KIF19: variants seen among roughly 807,000 people sequenced by gnomAD.
KIF19 encodes the protein kinesin family member 19, also known as kinesin-like protein KIF19.
In KIF19, 98 loss-of-function variants were observed where a neutral mutation model predicts 106.6. The observed-to-expected ratio is 0.92, with a 90% CI of 0.78 to 1.09. The LOEUF is 1.09. Ranked by LOEUF, KIF19 falls within the 50% of genes least tolerant of loss-of-function variation. KIF19 has a pLI of 0.00. For missense variants in KIF19, 1,373 were observed against 1,414.3 expected, an observed-to-expected ratio of 0.97 and a Z score of 0.47; for synonymous variants, 516 against 584.2, an observed-to-expected ratio of 0.88 and a Z score of 1.68.
chr17:74,342,973 G>A, intron 4 of KIF19, 51 bp from the exon 5 acceptor site: 2 of 1,536,482 alleles, frequency 1.3e-6, no homozygotes, highest in Admixed American at 2.0e-5. Context: ...TGCCCAGCAA[G>A]GCCTCCCTCC....
intron 2 of KIF19, among the ~76,000 whole-genome samples, chr17:74,340,267 TTGAA>T (rs1210779069): frequency 6.6e-6 from 1 of 152,164 alleles, no homozygotes; most frequent in Non-Finnish European, 1.5e-5. Flanking sequence ...CCACGCATCT[TTGAA>T]TGTCTCCCGT....
At chr17:74,334,833 T>G (rs72848299) in intron 2 of KIF19, among the ~76,000 whole-genome samples, 3,726 of 152,302 alleles carry the variant, frequency 0.024, 69 homozygotes, top group Middle Eastern at 0.044. Flanking sequence ...CCTGTAAGAA[T>G]GAAGGGGCTG....
intron 2 of KIF19, among the ~76,000 whole-genome samples, chr17:74,334,108 A>G (rs1447886440): frequency 1.3e-5 from 2 of 151,854 alleles, no homozygotes; most frequent in African/African-American, 4.8e-5. Context: ...TGCAGGTGTG[A>G]GCCACTGTAT....
chr17:74,328,159 C>T (rs1169000900), intron 1 of KIF19, among the ~76,000 whole-genome samples: 1 of 152,160 alleles, frequency 6.6e-6, no homozygotes, highest in African/African-American at 2.4e-5. Flanking sequence ...TTTATTTGGG[C>T]GTGAGGCTGA....
At chr17:74,332,216 G>T (rs866274652) in intron 2 of KIF19, among the ~76,000 whole-genome samples, 616 of 54,346 alleles carry the variant, frequency 0.011, 3 homozygotes, top group African/African-American at 0.024. Flanking sequence ...GTGTTTGTGT[G>T]TGTGTGTGTG....
intron 4 of KIF19, 117 bp from the exon 5 acceptor site, chr17:74,342,907 C>T (rs568051542): frequency 3.5e-4 from 459 of 1,327,546 alleles, no homozygotes; most frequent in Non-Finnish European, 4.2e-4. Flanking sequence ...CCACCACCTC[C>T]CTGGCCCTCT....
chr17:74,335,822 C>T (rs1207097838), intron 2 of KIF19, among the ~76,000 whole-genome samples: 1 of 152,270 alleles, frequency 6.6e-6, no homozygotes, highest in Non-Finnish European at 1.5e-5. Context: ...AATGCCCATG[C>T]TGAGCCCACC....
chr17:74,348,941 G>T, intron 9 of KIF19: 1 of 547,800 alleles, frequency 1.8e-6, no homozygotes, highest in Non-Finnish European at 3.2e-6. Context: ...AGAGAGATGG[G>T]GGTGGCCCTT....
chr17:74,337,267 AGG>A, intron 2 of KIF19, among the ~76,000 whole-genome samples: 1 of 129,314 alleles, frequency 7.7e-6, no homozygotes, highest in South Asian at 2.7e-4. Context: ...TGTGCCAACC[AGG>A]GGGGCCTTTA....
intron 3 of KIF19, among the ~76,000 whole-genome samples, chr17:74,342,394 C>G (rs1485137178): frequency 6.6e-6 from 1 of 152,126 alleles, no homozygotes; most frequent in Non-Finnish European, 1.5e-5. Context: ...GGGCGGGGGG[C>G]CAGGAGCCAG....
intron 12 of KIF19, 74 bp from the exon 13 acceptor site, chr17:74,351,793 G>T (rs3889370): frequency 0.26 from 352,110 of 1,348,416 alleles, 48,105 homozygotes; most frequent in Middle Eastern, 0.36. Context: ...AGGCGCTGGA[G>T]GGTCGAGGAC....
chr17:74,350,999 C>T (rs745532991), intron 12 of KIF19, 94 bp downstream of exon 12: 15 of 1,321,750 alleles, frequency 1.1e-5, no homozygotes, highest in South Asian at 2.4e-5. Context: ...TGGGGGTAGC[C>T]GTGAGACTTG....
intron 10 of KIF19, among the ~76,000 whole-genome samples, chr17:74,350,054 C>T (rs753077511): frequency 2.6e-5 from 4 of 152,202 alleles, no homozygotes; most frequent in Non-Finnish European, 5.9e-5. Context: ...CTGCCTAGGC[C>T]TCCCAAAGTG....
At position 74,352,364 on chromosome 17, in the gene KIF19, G is replaced by GC. The variant is rs762777384; in HGVS notation, c.1980+24_1980+25insC. On this transcript the variant is annotated intron_variant, in intron 14 of 19. Transcript: ENST00000389916. ...AGGTGGGTGGGCGCCTGGGCGGCCT[G>GC]AACATGGGCACATGTGCCCAGGGAG... 2.9e-5 allele frequency: 46 copies of GC among 1,593,358 alleles called. No individual in the cohort carries two copies. The African/African-American group carries it at 5.4e-4, about 19-fold the overall frequency.
At chr17:74,345,033 A>C in intron 7 of KIF19, 78 bp downstream of exon 7, 1 of 1,339,736 alleles carries the variant, frequency 7.5e-7, no homozygotes, top group Non-Finnish European at 1.0e-6. Context: ...GGTGACTCCC[A>C]TGCAAGGCCA....
chr17:74,355,447 A>AC lies in KIF19; in HGVS notation c.*138dup. On this transcript the variant is annotated 3_prime_UTR_variant, in exon 20 of 20. Transcript: ENST00000389916. ...ATCTCAGCAGGCCAGGGCTCCTGAG[A>AC]CCCAGGAACTGGGGTCTCTGCCCAA... is the stretch of plus-strand genomic sequence containing the variant. 1.7e-6 allele frequency: 2 copies of AC among 1,173,624 alleles called. No individual in the cohort carries two copies. Among genetic ancestry groups the AC allele is most frequent in the Non-Finnish European group, 2.3e-6 (2 of 868,154 alleles). 72.7% of individuals were successfully genotyped at this position (1,173,624 alleles called of 1,614,324 possible). A position where few individuals can be genotyped will look rare whatever the true frequency, so the allele number is the denominator to read the frequency against.
chr17:74,339,804 C>A (rs149367926), intron 2 of KIF19, among the ~76,000 whole-genome samples: 2 of 152,194 alleles, frequency 1.3e-5, no homozygotes, highest in African/African-American at 2.4e-5. Context: ...GGCACCTCCG[C>A]GGTGCAGTGG....
Position 74,342,904 on chromosome 17 carries a change from C to A in KIF19, c.320-120C>A, listed in dbSNP as rs371480015. 463 of 1,304,420 alleles carry A rather than the reference C, an allele frequency of 3.5e-4. 5 individuals carry two copies. In the East Asian group the frequency reaches 8.7e-3, roughly 25 times the overall value. 80.8% of individuals were successfully genotyped at this position (1,304,420 alleles called of 1,614,324 possible). Reference sequence around the variant, plus strand: ...CATCATCCTCCCCACTCCCCACCACCTCCCTGGCCCTCTGAGAGGGCCCAG... The same window carrying A: ...CATCATCCTCCCCACTCCCCACCACATCCCTGGCCCTCTGAGAGGGCCCAG... On this transcript the variant is annotated intron_variant, in intron 4 of 19. Coordinates refer to ENST00000389916, the MANE Select transcript of KIF19 (RefSeq NM_153209.4).
chr17:74,326,479 C>T (rs1017043774), intron 1 of KIF19, 91 bp downstream of exon 1: 53 of 1,272,130 alleles, frequency 4.2e-5, no homozygotes, highest in Admixed American at 1.1e-4. Context: ...TCGCCGCCAC[C>T]CCACTGAGAG....
Sources: gnomAD v4.1 joint callset for allele counts (sites outside exome capture counted in the v4.1 genomes callset) on GRCh38, gnomAD v4.1.1 for gene constraint, MANE v1.5 for transcripts, NCBI Gene and HGNC (gene_info 2026-07-23, HGNC 2026-07-21) for gene names.